Variants in ZNF516 observed in about 807,000 individuals in gnomAD.
The protein encoded by ZNF516 is zinc finger protein 516.
In ZNF516, 19 loss-of-function variants were observed where a neutral mutation model predicts 79.7. That is an observed-to-expected ratio of 0.24 (90% CI 0.17 to 0.35). The LOEUF (loss-of-function observed/expected upper bound fraction) is 0.35. ZNF516 is among the 10% of genes least tolerant of loss of function. The pLI is 1.00. For synonymous variants in ZNF516, 877 were observed against 739.5 expected (o/e 1.19, Z -3.02); for missense variants, 1,678 against 1,679.5 (o/e 1.00, Z 0.02).
chr18:76,418,226 C>A (rs1385644961), intron 3 of ZNF516, among the ~76,000 whole-genome samples: 1 of 152,086 alleles, frequency 6.6e-6, no homozygotes, highest in African/African-American at 2.4e-5. Context: ...CACACTGTAA[C>A]ACACGCTATC....
At chr18:76,436,507 G>A (rs543224019) in intron 3 of ZNF516, among the ~76,000 whole-genome samples, 1 of 152,280 alleles carries the variant, frequency 6.6e-6, no homozygotes, top group South Asian at 2.1e-4. Flanking sequence ...AGAGAGCTTT[G>A]CCCGTGTTGC....
chr18:76,427,860 A>G (rs1182612308), intron 3 of ZNF516, among the ~76,000 whole-genome samples: 1 of 152,226 alleles, frequency 6.6e-6, no homozygotes, highest in Non-Finnish European at 1.5e-5. Context: ...AAACACTCTT[A>G]TGCTCACAAA....
intron 3 of ZNF516, chr18:76,386,649 C>G (rs1255172359): frequency 1.3e-5 from 2 of 152,116 alleles, no homozygotes; most frequent in African/African-American, 4.8e-5. Flanking sequence ...TCAGAACCAC[C>G]AGAAAGAGGC....
intron 3 of ZNF516, among the ~76,000 whole-genome samples, chr18:76,405,597 G>A (rs547309071): frequency 6.4e-4 from 97 of 152,114 alleles, no homozygotes; most frequent in Admixed American, 2.7e-3. Context: ...CGGGGCACCC[G>A]GTTCTGTTGT....
intron 6 of ZNF516, among the ~76,000 whole-genome samples, chr18:76,367,347 C>T (rs1469271672): frequency 6.6e-6 from 1 of 152,256 alleles, no homozygotes; most frequent in Non-Finnish European, 1.5e-5. Context: ...CCGGGAACCA[C>T]TAAGCCCATT....
chr18:76,413,881 G>C (rs187613680), intron 3 of ZNF516, among the ~76,000 whole-genome samples: 2 of 152,286 alleles, frequency 1.3e-5, no homozygotes, highest in African/African-American at 4.8e-5. Context: ...CAAGACTAGT[G>C]AACATCTGCT....
Position 76,378,945 on chromosome 18 carries a change from T to C in ZNF516, c.3169A>G (p.Ile1057Val), listed in dbSNP as rs745357792. Residue 1057 changes from isoleucine (I) to valine (V), a missense_variant, in exon 4 of 7, where the codon ATC becomes GTC. Ile to Val is a conservative substitution (Grantham distance 29). Coordinates refer to ENST00000443185, the MANE Select transcript of ZNF516 (RefSeq NM_014643.4). ...ATGTACGTCTTAAAGATGTTGAGGA[T>C]GTCCAGGCGCTTCTCATGCCCCTCG... ...VAEGHEKRLDILNIFKTYIPK... is the reference protein window; with the variant it reads ...VAEGHEKRLDVLNIFKTYIPK... 1.5e-5 allele frequency: 24 copies of C among 1,613,676 alleles called. No individual in the cohort carries two copies. Among genetic ancestry groups the C allele is most frequent in the East Asian group, 4.5e-5 (2 of 44,870 alleles).
rs371471184 is a variant in ZNF516 at position 76,379,354 on chromosome 18, C to T, written c.2760G>A (p.Pro920=). The change falls in exon 4 of 7, where the codon CCG becomes CCA. Residue 920 remains proline, a synonymous_variant. Transcript: ENST00000443185. ...QEASSKPVPA[P]GGGGFSRSAT... ...CGCTCCTGCTGAAGCCCCCGCCACC[C>T]GGGGCAGGCACCGGTTTGGAGCTAG... 5.0e-6 allele frequency: 8 copies of T among 1,593,458 alleles called. No individual in the cohort carries two copies. The highest frequency in any genetic ancestry group is 6.0e-6 in the Non-Finnish European group (7 of 1,169,566).
chr18:76,360,127 G>T lies in ZNF516; in HGVS notation c.*2371C>A, dbSNP rs1253692488. Reference sequence around the variant, plus strand: ...CTGCAAGCCAGGAAGGATCCAGCACGCGGCCGGCAGGGCCCCAGCGCCAGC... The same window carrying T: ...CTGCAAGCCAGGAAGGATCCAGCACTCGGCCGGCAGGGCCCCAGCGCCAGC... On this transcript the variant is annotated 3_prime_UTR_variant, in exon 7 of 7. Coordinates refer to ENST00000443185, the MANE Select transcript of ZNF516 (RefSeq NM_014643.4). 6.6e-6 allele frequency: 1 copy of T among 152,434 alleles called. No individual in the cohort carries two copies. The highest frequency in any genetic ancestry group is 6.5e-5 in the Admixed American group (1 of 15,290). The allele number at this position is 152,434 out of a possible 1,614,324, so 9.4% of individuals were successfully genotyped here.
rs543403848 is a variant in ZNF516 at position 76,419,088 on chromosome 18, G to C, written c.1810+22157C>G. Among the ~76,000 whole-genome samples, 3 of 152,196 alleles carry C rather than the reference G, an allele frequency of 2.0e-5. No individual in the cohort carries two copies. The East Asian group carries it at 5.8e-4, about 29-fold the overall frequency. ...CCGTTAGGCACAGACACTGTGGGTC[G>C]CAGCCACTCCTACTCTGGAAACCTG... On this transcript the variant is annotated intron_variant, in intron 3 of 6. Transcript: ENST00000443185.
In ZNF516 at chr18:76,435,322, A is replaced by G. The variant is rs2075716935; in HGVS notation, c.1810+5923T>C. 2.0e-5 allele frequency among the ~76,000 whole-genome samples: 3 copies of G among 152,264 alleles called. No homozygotes were observed. In the South Asian group the frequency reaches 6.2e-4, roughly 31 times the overall value. On this transcript the variant is annotated intron_variant, in intron 3 of 6. Coordinates refer to ENST00000443185, the MANE Select transcript of ZNF516 (RefSeq NM_014643.4). The stretch of plus-strand genomic sequence containing the variant: ...TAATAAATTCATTCTGGAAGGTCAG[A>G]AAATGTAGCACTCTGTTCAAGCAAA...
chr18:76,458,814 C>CGT (rs1568310811), intron 2 of ZNF516, among the ~76,000 whole-genome samples: 3 of 130,614 alleles, frequency 2.3e-5, no homozygotes, highest in African/African-American at 8.9e-5. Context: ...GCCTCACCGT[C>CGT]GTGCGTGTGC....
At chr18:76,383,035 CA>C (rs772423972) in intron 3 of ZNF516, among the ~76,000 whole-genome samples, 2,922 of 49,764 alleles carry the variant, frequency 0.059, 15 homozygotes, top group East Asian at 0.12. Context: ...GACTCTGTCT[CA>C]AAAAAAAAAA....
At chr18:76,487,541 G>A (rs886969682) in intron 1 of ZNF516, among the ~76,000 whole-genome samples, 3 of 152,094 alleles carry the variant, frequency 2.0e-5, no homozygotes, top group South Asian at 4.1e-4. Context: ...CATAGTAAAA[G>A]TTGTTCTTTC....
At chr18:76,468,187 A>T (rs757354457) in intron 1 of ZNF516, among the ~76,000 whole-genome samples, 3 of 152,190 alleles carry the variant, frequency 2.0e-5, no homozygotes, top group Non-Finnish European at 2.9e-5. Context: ...TTTTATGTTT[A>T]TCTGAAATTA....
intron 3 of ZNF516, among the ~76,000 whole-genome samples, chr18:76,413,319 T>C (rs2075393810): frequency 6.6e-6 from 1 of 152,168 alleles, no homozygotes; most frequent in African/African-American, 2.4e-5. Context: ...TATATATAAA[T>C]TACACATATC....
chr18:76,494,113 C>CG (rs939876364), intron 1 of ZNF516, among the ~76,000 whole-genome samples: 19 of 152,146 alleles, frequency 1.2e-4, no homozygotes, highest in Non-Finnish European at 2.4e-4. Context: ...TCCCTAATTG[C>CG]GGGGGTCCAC....
intron 1 of ZNF516, among the ~76,000 whole-genome samples, chr18:76,473,145 T>G (rs900496768): frequency 6.6e-6 from 1 of 152,058 alleles, no homozygotes; most frequent in African/African-American, 2.4e-5. Flanking sequence ...GCTTTCTGAT[T>G]TTAATAATTA....
At position 76,379,585 on chromosome 18, in the gene ZNF516, C is replaced by A; in HGVS notation, c.2529G>T (p.Gly843=). 6.2e-7 allele frequency: 1 copy of A among 1,613,640 alleles called. No homozygotes were observed. Among genetic ancestry groups the A allele is most frequent in the Non-Finnish European group, 8.5e-7 (1 of 1,179,902 alleles). ...AAGAGCCACTTTTGGACCCCGGCAT[C>A]CCCCCTGGCACCTGAGTGCGGGTGA... ...ARFTRTQVPG[G]MPGSKSGSSP... is the part of the protein sequence containing the mutation. The change falls in exon 4 of 7, where the codon GGG becomes GGT. Residue 843 remains glycine, a synonymous_variant. Transcript: ENST00000443185.
Sources: allele counts gnomAD v4.1 joint callset (sites outside exome capture counted in the v4.1 genomes callset), GRCh38; gene constraint gnomAD v4.1.1; transcripts MANE v1.5; gene names NCBI Gene and HGNC (gene_info 2026-07-23, HGNC 2026-07-21).